The following NRXN1 variants were observed in gnomAD, a reference collection of about 807,000 sequenced individuals.
NRXN1 encodes the protein neurexin-1.
Under a neutral mutation model 150.9 loss-of-function variants are expected in NRXN1, and 39 were observed. That is an observed-to-expected ratio of 0.26 (90% CI 0.20 to 0.34). NRXN1 has a LOEUF of 0.34. Among genes scored for constraint, NRXN1 ranks in the 10% least tolerant of loss-of-function variants. The pLI is 1.00. For synonymous variants in NRXN1, 924 were observed against 757.0 expected (o/e 1.22, Z -3.62); for missense variants, 1,815 against 1,949.9 (o/e 0.93, Z 1.30).
At position 50,627,357 on chromosome 2, in the gene NRXN1, A is replaced by ATGTGTGTGTGTG. The variant is rs34870955; in HGVS notation, c.833-3754_833-3743dup. ...TAGTCAAGTGGGTTCTGGTTCATGT[A>ATGTGTGTGTGTG]TGTGTGTGTGTGTGTGTGTGTGTGT... is the stretch of plus-strand genomic sequence containing the variant. On this transcript the variant is annotated intron_variant, in intron 5 of 22. Coordinates refer to ENST00000401669, the MANE Select transcript of NRXN1 (RefSeq NM_001330078.2). Among the ~76,000 whole-genome samples, 140 of 143,626 alleles carry ATGTGTGTGTGTG rather than the reference A, an allele frequency of 9.7e-4. 1 individual carries two copies. The highest frequency in any genetic ancestry group is 3.5e-3 in the Middle Eastern group (1 of 286). 94.2% of individuals were successfully genotyped at this position (143,626 alleles called of 152,430 possible).
intron 17 of NRXN1, among the ~76,000 whole-genome samples, chr2:50,302,552 A>G (rs953143710): frequency 6.6e-6 from 1 of 152,086 alleles, no homozygotes; most frequent in Admixed American, 6.6e-5. Flanking sequence ...TCTGCCCTCT[A>G]TTTTCCAATT....
intron 17 of NRXN1, among the ~76,000 whole-genome samples, chr2:50,378,889 T>C (rs564857107): frequency 6.6e-6 from 1 of 152,240 alleles, no homozygotes; most frequent in South Asian, 2.1e-4. Context: ...CACATATGGG[T>C]TGCCGGACTT....
chr2:50,504,913 C>T (rs1039636441), intron 13 of NRXN1, among the ~76,000 whole-genome samples: 1 of 152,134 alleles, frequency 6.6e-6, no homozygotes, highest in African/African-American at 2.4e-5. Context: ...GGAATTCTTT[C>T]TTGCATTATC....
chr2:50,897,757 G>A (rs970298338), intron 5 of NRXN1, among the ~76,000 whole-genome samples: 1 of 152,106 alleles, frequency 6.6e-6, no homozygotes, highest in African/African-American at 2.4e-5. Context: ...AAGGGAAGGT[G>A]TGAGAATGGT....
intron 5 of NRXN1, among the ~76,000 whole-genome samples, chr2:50,856,523 T>C (rs1675295233): frequency 1.3e-5 from 2 of 152,034 alleles, no homozygotes; most frequent in South Asian, 2.1e-4. Context: ...AAAGCTGAGA[T>C]AAGGAATAAT....
chr2:50,301,681 A>G (rs2074165241), intron 17 of NRXN1, among the ~76,000 whole-genome samples: 1 of 152,198 alleles, frequency 6.6e-6, no homozygotes. Flanking sequence ...ATACCCTGGC[A>G]TGTCAGCTAC....
At chr2:50,262,924 C>A (rs747882238) in intron 17 of NRXN1, among the ~76,000 whole-genome samples, 4 of 151,940 alleles carry the variant, frequency 2.6e-5, no homozygotes, top group Non-Finnish European at 5.9e-5. Context: ...TAAAGTCCTT[C>A]ATAGATACCC....
At position 50,226,854 on chromosome 2, in the gene NRXN1, C is replaced by A. The variant is rs142941568; in HGVS notation, c.3546+9935G>T. On this transcript the variant is annotated intron_variant, in intron 18 of 22. Transcript: ENST00000401669. ...ATATTGCCTTTAACCTGAGCAGCAC[C>A]GACCTATTGCCATTGAACATTTTCA... 3.0e-4 allele frequency among the ~76,000 whole-genome samples: 46 copies of A among 151,986 alleles called. 1 individual carries two copies. Among genetic ancestry groups the A allele is most frequent in the African/African-American group, 1.1e-3 (45 of 41,480 alleles).
At chr2:50,824,624 G>A (rs1455496364) in intron 5 of NRXN1, among the ~76,000 whole-genome samples, 1 of 152,150 alleles carries the variant, frequency 6.6e-6, no homozygotes, top group Admixed American at 6.5e-5. Flanking sequence ...TAAATACGTT[G>A]AGGCCAGAGG....
chr2:50,287,219 T>C (rs1046510120), intron 17 of NRXN1, among the ~76,000 whole-genome samples: 3 of 152,122 alleles, frequency 2.0e-5, no homozygotes, highest in Non-Finnish European at 4.4e-5. Flanking sequence ...TTTAATATCA[T>C]TTCCTATAAT....
intron 5 of NRXN1, among the ~76,000 whole-genome samples, chr2:50,890,786 T>A (rs895356410): frequency 1.3e-5 from 2 of 151,962 alleles, no homozygotes; most frequent in African/African-American, 4.8e-5. Context: ...TCATAATTAC[T>A]TCATTCTGAA....
chr2:50,705,894 A>G (rs1279310032), intron 5 of NRXN1, among the ~76,000 whole-genome samples: 1 of 152,194 alleles, frequency 6.6e-6, no homozygotes, highest in East Asian at 1.9e-4. Flanking sequence ...AACAAAAACA[A>G]TCAGAGGCTC....
At chr2:50,003,758 TA>T (rs1379111896) in intron 21 of NRXN1, among the ~76,000 whole-genome samples, 3 of 152,168 alleles carry the variant, frequency 2.0e-5, no homozygotes, top group African/African-American at 7.2e-5. Context: ...ACATGTGAAA[TA>T]GATAATATTT....
chr2:50,835,516 G>C (rs550700534), intron 5 of NRXN1, among the ~76,000 whole-genome samples: 2 of 152,154 alleles, frequency 1.3e-5, no homozygotes, highest in African/African-American at 4.8e-5. Context: ...ATTAATCTTA[G>C]CCTCTGAGTT....
chr2:50,179,070 T>C (rs890330098), intron 18 of NRXN1, among the ~76,000 whole-genome samples: 2 of 152,182 alleles, frequency 1.3e-5, no homozygotes, highest in African/African-American at 4.8e-5. Flanking sequence ...CAAAACACTT[T>C]GTCATCCTAA....
rs1055378393 is a variant in NRXN1, at chr2:50,521,319, G to C, written c.2374+7306C>G. On this transcript the variant is annotated intron_variant, in intron 12 of 22. Coordinates refer to ENST00000401669, the MANE Select transcript of NRXN1 (RefSeq NM_001330078.2). Reference sequence around the variant, plus strand: ...ACTATGCATAAAATATTTCGAGTCTGTATTTAGACTGATATCCTGGGAAGT... The same window carrying C: ...ACTATGCATAAAATATTTCGAGTCTCTATTTAGACTGATATCCTGGGAAGT... Among the ~76,000 whole-genome samples the C allele has an allele frequency of 3.9e-5, 6 of 152,252 alleles. No individual in the cohort carries two copies. The South Asian group carries it at 1.2e-3, about 32-fold the overall frequency.
At chr2:50,196,585 A>G (rs1483583338) in intron 18 of NRXN1, among the ~76,000 whole-genome samples, 1 of 152,184 alleles carries the variant, frequency 6.6e-6, no homozygotes, top group Admixed American at 6.6e-5. Flanking sequence ...AATATGACAC[A>G]GTATAAAACA....
At chr2:50,401,401 C>A (rs2082381892) in intron 17 of NRXN1, among the ~76,000 whole-genome samples, 1 of 152,204 alleles carries the variant, frequency 6.6e-6, no homozygotes, top group South Asian at 2.1e-4. Flanking sequence ...TCCCTGAAAG[C>A]AGACATGTGT....
intron 12 of NRXN1, among the ~76,000 whole-genome samples, chr2:50,510,059 A>G (rs527909943): frequency 5.6e-4 from 86 of 152,246 alleles, no homozygotes; most frequent in South Asian, 2.7e-3. Flanking sequence ...CTGACACTTC[A>G]ATCTTTGACT....
Sources: gnomAD v4.1 joint callset for allele counts (sites outside exome capture counted in the v4.1 genomes callset) on GRCh38, gnomAD v4.1.1 for gene constraint, MANE v1.5 for transcripts, NCBI Gene and HGNC (gene_info 2026-07-23, HGNC 2026-07-21) for gene names.